The following CACHD1 variants were observed in gnomAD, a reference collection of about 807,000 sequenced individuals.
CACHD1 encodes cache domain containing 1.
In CACHD1, 71 loss-of-function variants were observed where a neutral mutation model predicts 138.7. That is an observed-to-expected ratio of 0.51 (90% CI 0.42 to 0.62). The LOEUF (loss-of-function observed/expected upper bound fraction) is 0.62, where lower values mean the gene tolerates loss of function less well. Ranked by LOEUF, CACHD1 falls within the 20% of genes least tolerant of loss-of-function variation. The probability of loss-of-function intolerance (pLI) is 0.00; values close to 1 mark genes in which losing one functional copy is unlikely to be tolerated. For missense variants in CACHD1, 1,389 were observed against 1,625.3 expected, an observed-to-expected ratio of 0.85 and a Z score of 2.50; for synonymous variants, 578 against 591.5, an observed-to-expected ratio of 0.98 and a Z score of 0.33.
At chr1:64,601,197 AAC>A (rs1285468734) in intron 3 of CACHD1, among the ~76,000 whole-genome samples, 2 of 152,206 alleles carry the variant, frequency 1.3e-5, no homozygotes, top group Non-Finnish European at 2.9e-5. Flanking sequence ...GAGCAGTTGC[AAC>A]AGTCTTTATG....
chr1:64,617,167 A>AAAC lies in CACHD1; in HGVS notation c.518-12186_518-12185insCAA, dbSNP rs1557521440. ...AAAACAAAACAAAACAAAACAAAAA[A>AAAC]AAAAACCAGCAAAACTATTGTTCAG... On this transcript the variant is annotated intron_variant, in intron 4 of 26. Coordinates refer to ENST00000651257, the MANE Select transcript of CACHD1 (RefSeq NM_020925.4). Among the ~76,000 whole-genome samples the AAAC allele has an allele frequency of 6.2e-4, 95 of 152,116 alleles. 1 individual carries two copies. The East Asian group carries it at 6.6e-3, about 11-fold the overall frequency.
intron 1 of CACHD1, among the ~76,000 whole-genome samples, chr1:64,494,126 C>A (rs1646293584): frequency 1.3e-5 from 2 of 152,198 alleles, no homozygotes; most frequent in Admixed American, 1.3e-4. Context: ...TCTCTTCTTA[C>A]CCCCAGCTGG....
chr1:64,673,133 A>T, intron 17 of CACHD1, 25 bp from the exon 18 acceptor site: 1 of 1,528,462 alleles, frequency 6.5e-7, no homozygotes, highest in Non-Finnish European at 9.0e-7. Flanking sequence ...GATATGAATG[A>T]GGGGCATAAC....
chr1:64,672,619 A>G (rs966187831), intron 17 of CACHD1, among the ~76,000 whole-genome samples: 3 of 152,218 alleles, frequency 2.0e-5, no homozygotes, highest in African/African-American at 7.2e-5. Context: ...GTTCAGTACT[A>G]TCATCACTTT....
At chr1:64,639,383 G>GT (rs1325773725) in intron 7 of CACHD1, among the ~76,000 whole-genome samples, 2 of 152,134 alleles carry the variant, frequency 1.3e-5, no homozygotes, top group Non-Finnish European at 2.9e-5. Flanking sequence ...TTGACATCTG[G>GT]TTTGTTGACA....
At chr1:64,680,064 C>G (rs552013846) in intron 24 of CACHD1, among the ~76,000 whole-genome samples, 8 of 152,290 alleles carry the variant, frequency 5.3e-5, no homozygotes, top group Non-Finnish European at 7.3e-5. Flanking sequence ...ATGTGCTGCC[C>G]TTGCAATTCC....
At chr1:64,685,593 C>A (rs965821180) in intron 26 of CACHD1, among the ~76,000 whole-genome samples, 6 of 152,102 alleles carry the variant, frequency 3.9e-5, no homozygotes, top group Non-Finnish European at 5.9e-5. Flanking sequence ...AGTGAGCTAC[C>A]TTAGACCTGA....
intron 7 of CACHD1, among the ~76,000 whole-genome samples, chr1:64,635,286 G>A (rs1437202033): frequency 6.6e-6 from 1 of 152,036 alleles, no homozygotes; most frequent in Non-Finnish European, 1.5e-5. Context: ...CGTGAAGTGG[G>A]CAGCAGGAAT....
chr1:64,678,372 T>C, intron 23 of CACHD1, 62 bp downstream of exon 23: 1 of 1,428,680 alleles, frequency 7.0e-7, no homozygotes, highest in Non-Finnish European at 9.3e-7. Flanking sequence ...GCCTATATGC[T>C]AGGACATCTT....
intron 1 of CACHD1, among the ~76,000 whole-genome samples, chr1:64,485,724 A>T (rs1279430804): frequency 6.6e-6 from 1 of 152,046 alleles, no homozygotes; most frequent in East Asian, 1.9e-4. Flanking sequence ...GTGACCACAG[A>T]CATGCACCAT....
chr1:64,612,001 G>A (rs1647549110), intron 4 of CACHD1, among the ~76,000 whole-genome samples: 1 of 152,200 alleles, frequency 6.6e-6, no homozygotes, highest in Non-Finnish European at 1.5e-5. Context: ...AGCAAGGCAT[G>A]TCTTACATGG....
In CACHD1 at chr1:64,647,255, A is replaced by G. The variant is rs12072890; in HGVS notation, c.1157-546A>G. Among the ~76,000 whole-genome samples, 445 of 152,326 alleles carry G rather than the reference A, an allele frequency of 2.9e-3. 1 individual carries two copies. Among genetic ancestry groups the G allele is most frequent in the African/African-American group, 0.01 (417 of 41,568 alleles). ...CAAGCATGAATATGTTTATAATTAA[A>G]ATGAGCTTAAAGAAACAGGGTTTGG... is the stretch of plus-strand genomic sequence containing the variant. On this transcript the variant is annotated intron_variant, in intron 8 of 26. Coordinates refer to ENST00000651257, the MANE Select transcript of CACHD1 (RefSeq NM_020925.4).
At chr1:64,635,350 C>CCTT (rs1180626048) in intron 7 of CACHD1, among the ~76,000 whole-genome samples, 1 of 151,338 alleles carries the variant, frequency 6.6e-6, no homozygotes, top group African/African-American at 2.4e-5. Context: ...TGAGCATGGC[C>CCTT]CTTCAGATGT....
chr1:64,691,194 G>C (rs867839572), intron 26 of CACHD1, 129 bp from the exon 27 acceptor site: 3 of 754,052 alleles, frequency 4.0e-6, no homozygotes. Context: ...TCTGCTGACA[G>C]TCTGCCAGTG....
At chr1:64,642,215 G>A (rs185539684) in intron 8 of CACHD1, among the ~76,000 whole-genome samples, 2 of 152,250 alleles carry the variant, frequency 1.3e-5, no homozygotes, top group Admixed American at 1.3e-4. Context: ...GTCTTGCAGA[G>A]GATTTTATAC....
intron 21 of CACHD1, 31 bp from the exon 22 acceptor site, chr1:64,676,864 G>T: frequency 6.4e-7 from 1 of 1,566,632 alleles, no homozygotes; most frequent in South Asian, 1.1e-5. Flanking sequence ...GGCGGTGGTC[G>T]TCTTAACCTC....
At chr1:64,649,893 CT>C (rs373013164) in intron 9 of CACHD1, among the ~76,000 whole-genome samples, 25 of 152,262 alleles carry the variant, frequency 1.6e-4, no homozygotes, top group African/African-American at 6.0e-4. Context: ...TAGAGTGTGT[CT>C]GTCTTTTCAT....
chr1:64,655,724 C>T (rs191520230), intron 12 of CACHD1, among the ~76,000 whole-genome samples: 1 of 152,282 alleles, frequency 6.6e-6, no homozygotes, highest in East Asian at 1.9e-4. Flanking sequence ...CTCTTCTCTC[C>T]TCTTCCTTCC....
chr1:64,522,011 A>G (rs528124541), intron 1 of CACHD1, among the ~76,000 whole-genome samples: 151 of 152,308 alleles, frequency 9.9e-4, no homozygotes, highest in Non-Finnish European at 1.5e-3. Context: ...TATTTGTGCC[A>G]TGTTTAAGAA....
Sources: allele counts gnomAD v4.1 joint callset (sites outside exome capture counted in the v4.1 genomes callset), GRCh38; gene constraint gnomAD v4.1.1; transcripts MANE v1.5; gene names NCBI Gene and HGNC (gene_info 2026-07-23, HGNC 2026-07-21).